EPHB1: variants seen among roughly 807,000 people sequenced by gnomAD.
EPHB1 encodes the protein ephrin type-B receptor 1.
In EPHB1, 30 loss-of-function variants were observed where a neutral mutation model predicts 94.4. The observed-to-expected ratio is 0.32, with a 90% CI of 0.24 to 0.43. The LOEUF is 0.43. Ranked by LOEUF, EPHB1 falls within the 20% of genes least tolerant of loss-of-function variation. The pLI, the probability that EPHB1 is intolerant of heterozygous loss-of-function variation, is 1.00. For synonymous variants in EPHB1, 522 were observed against 489.1 expected (o/e 1.07, Z -0.89); for missense variants, 1,055 against 1,308.3 (o/e 0.81, Z 2.99).
chr3:135,142,329 T>C (rs551088826), intron 5 of EPHB1, among the ~76,000 whole-genome samples: 19 of 152,310 alleles, frequency 1.2e-4, no homozygotes, highest in Non-Finnish European at 2.2e-4. Context: ...GCCACCTCTT[T>C]TTCCTCTTAT....
chr3:135,248,177 C>G (rs1456305562), intron 13 of EPHB1, 139 bp from the exon 14 acceptor site: 3 of 705,308 alleles, frequency 4.3e-6, no homozygotes, highest in Non-Finnish European at 6.5e-6. Flanking sequence ...AAATCCATTA[C>G]AGCGGAAGGT....
At chr3:134,908,540 C>T (rs1219343092) in intron 1 of EPHB1, among the ~76,000 whole-genome samples, 1 of 152,230 alleles carries the variant, frequency 6.6e-6, no homozygotes, top group Admixed American at 6.5e-5. Flanking sequence ...GGCCCATTGT[C>T]TGGCCCAACT....
chr3:135,120,683 G>A (rs988024206), intron 4 of EPHB1, among the ~76,000 whole-genome samples: 5 of 152,132 alleles, frequency 3.3e-5, no homozygotes, highest in African/African-American at 7.2e-5. Flanking sequence ...TCTTAGGAAC[G>A]AGGGCCTTTT....
chr3:135,133,643 A>T (rs534729566), intron 5 of EPHB1, among the ~76,000 whole-genome samples: 4 of 150,938 alleles, frequency 2.7e-5, no homozygotes, highest in African/African-American at 9.7e-5. Context: ...GCTTGCTCTG[A>T]TGAATGATAT....
chr3:135,144,655 C>T (rs890385794), intron 5 of EPHB1, among the ~76,000 whole-genome samples: 2 of 152,120 alleles, frequency 1.3e-5, no homozygotes, highest in African/African-American at 4.8e-5. Context: ...CACCTGTCAC[C>T]CCCCACATTC....
chr3:135,044,480 A>C (rs771982028), intron 3 of EPHB1, among the ~76,000 whole-genome samples: 8 of 152,238 alleles, frequency 5.3e-5, no homozygotes, highest in Non-Finnish European at 1.2e-4. Context: ...AGAGAGGTTA[A>C]GAACACCAGC....
intron 1 of EPHB1, among the ~76,000 whole-genome samples, chr3:134,819,393 A>C (rs976771316): frequency 1.3e-5 from 2 of 152,136 alleles, no homozygotes; most frequent in African/African-American, 2.4e-5. Flanking sequence ...AAGGGTGCCC[A>C]TGTGGTGATC....
At chr3:135,212,023 C>T (rs1450265143) in intron 12 of EPHB1, among the ~76,000 whole-genome samples, 1 of 151,974 alleles carries the variant, frequency 6.6e-6, no homozygotes, top group Non-Finnish European at 1.5e-5. Flanking sequence ...CATTATTTTC[C>T]CTGATTTTTT....
intron 1 of EPHB1, among the ~76,000 whole-genome samples, chr3:134,857,820 G>C (rs2037156126): frequency 6.6e-6 from 1 of 152,156 alleles, no homozygotes; most frequent in Admixed American, 6.5e-5. Flanking sequence ...CTCCATGCAG[G>C]TGGTCTACAG....
At chr3:135,253,566 A>G (rs1406539574) in intron 15 of EPHB1, among the ~76,000 whole-genome samples, 5 of 150,504 alleles carry the variant, frequency 3.3e-5, no homozygotes, top group African/African-American at 4.9e-5. Flanking sequence ...TGTTCCATTG[A>G]TCTATATCTC....
intron 12 of EPHB1, among the ~76,000 whole-genome samples, chr3:135,236,659 CT>C (rs1259308270): frequency 2.1e-4 from 32 of 152,280 alleles, no homozygotes; most frequent in African/African-American, 7.5e-4. Flanking sequence ...GGCCATGAAC[CT>C]ATCACTTCCA....
intron 3 of EPHB1, among the ~76,000 whole-genome samples, chr3:134,960,287 C>T (rs1933462495): frequency 6.6e-6 from 1 of 152,130 alleles, no homozygotes; most frequent in Admixed American, 6.5e-5. Context: ...CAAACACTGG[C>T]AAACCACCCA....
intron 1 of EPHB1, among the ~76,000 whole-genome samples, chr3:134,863,513 T>A (rs1244570125): frequency 6.6e-6 from 1 of 152,220 alleles, no homozygotes; most frequent in Non-Finnish European, 1.5e-5. Context: ...AAATGCCAAC[T>A]GGAACAAAAG....
At chr3:134,904,934 C>T (rs957495756) in intron 1 of EPHB1, among the ~76,000 whole-genome samples, 7 of 152,182 alleles carry the variant, frequency 4.6e-5, no homozygotes, top group African/African-American at 1.2e-4. Flanking sequence ...TTTAGGGGAG[C>T]GGGCTTTGCA....
intron 3 of EPHB1, among the ~76,000 whole-genome samples, chr3:135,095,567 A>G (rs953386449): frequency 6.6e-6 from 1 of 152,114 alleles, no homozygotes; most frequent in African/African-American, 2.4e-5. Context: ...TTTCAAGCCT[A>G]TCAAGTGGCT....
At chr3:134,985,121 A>G (rs1934550785) in intron 3 of EPHB1, among the ~76,000 whole-genome samples, 1 of 152,076 alleles carries the variant, frequency 6.6e-6, no homozygotes, top group South Asian at 2.1e-4. Context: ...AGACTACCCT[A>G]CAAGAGTTGG....
intron 3 of EPHB1, among the ~76,000 whole-genome samples, chr3:135,057,107 C>T (rs1175466560): frequency 6.6e-6 from 1 of 152,150 alleles, no homozygotes; most frequent in Admixed American, 6.5e-5. Flanking sequence ...CCTCTGCTCC[C>T]AGAATCTGGT....
intron 2 of EPHB1, among the ~76,000 whole-genome samples, chr3:134,941,850 A>C (rs1488067906): frequency 6.6e-6 from 1 of 151,806 alleles, no homozygotes; most frequent in African/African-American, 2.4e-5. Context: ...GTCAACAGGC[A>C]CTCTAGCAAT....
intron 12 of EPHB1, among the ~76,000 whole-genome samples, chr3:135,208,727 G>A (rs922131497): frequency 2.6e-4 from 40 of 152,230 alleles, no homozygotes; most frequent in African/African-American, 9.2e-4. Flanking sequence ...AATCAAAATT[G>A]GAGGTATTAG....
Sources: gnomAD v4.1 joint callset for allele counts (sites outside exome capture counted in the v4.1 genomes callset) on GRCh38, gnomAD v4.1.1 for gene constraint, MANE v1.5 for transcripts, NCBI Gene and HGNC (gene_info 2026-07-23, HGNC 2026-07-21) for gene names.